The following DMAC1 variants were observed in gnomAD, a reference collection of about 807,000 sequenced individuals.
DMAC1 encodes distal membrane-arm assembly complex protein 1.
DMAC1 carries 10 observed loss-of-function variants against 7.0 expected under a neutral mutation model. The ratio of observed to expected loss-of-function variants is 1.43; its 90% CI spans 0.88 to 2.43. The LOEUF (loss-of-function observed/expected upper bound fraction) is 2.43, where lower values mean the gene tolerates loss of function less well. Among genes scored for constraint, DMAC1 ranks in the 30% most tolerant of loss-of-function variants. DMAC1 has a pLI of 0.00. For synonymous variants in DMAC1, 92 were observed against 66.2 expected (o/e 1.39, Z -1.90); for missense variants, 219 against 158.7 (o/e 1.38, Z -2.04).
chr9:7,799,513 C>T lies in DMAC1; in HGVS notation c.222G>A (p.Lys74=). ...YVYWVARKPM[K]MGYPPSPWTI... ...TCCATGGACTCGGGGGGTATCCCAT[C>T]TTCATGGGCTTCCGTGCCACCCAGT... The change falls in exon 1 of 2, where the codon AAG becomes AAA. Residue 74 remains lysine, a synonymous_variant. Coordinates refer to ENST00000358227, the MANE Select transcript of DMAC1 (RefSeq NM_033428.3). 1.2e-6 allele frequency: 2 copies of T among 1,613,588 alleles called. No individual in the cohort carries two copies. Among genetic ancestry groups the T allele is most frequent in the East Asian group, 2.2e-5 (1 of 44,856 alleles).
rs1818696876 is a variant in DMAC1, at chr9:7,799,524, T to G, written c.211A>C (p.Lys71Gln). The G allele has an allele frequency of 6.2e-7, 1 of 1,613,638 alleles. No individual in the cohort carries two copies. Among genetic ancestry groups the G allele is most frequent in the Non-Finnish European group, 8.5e-7 (1 of 1,179,996 alleles). ...AGGYVYWVARKPMKMGYPPSP... is the reference protein window; with the variant it reads ...AGGYVYWVARQPMKMGYPPSP... ...GGGGGGTATCCCATCTTCATGGGCT[T>G]CCGTGCCACCCAGTACACGTACCCG... The change falls in exon 1 of 2, where the codon AAG becomes CAG. Residue 71 changes from lysine to glutamine, a missense_variant. By Grantham distance (53) the Lys-to-Gln change is moderately conservative. Transcript: ENST00000358227.
intron 1 of DMAC1, 88 bp downstream of exon 1, chr9:7,799,373 C>A: frequency 6.5e-7 from 1 of 1,527,668 alleles, no homozygotes; most frequent in Non-Finnish European, 8.9e-7. Flanking sequence ...ACCCCGCCTC[C>A]CCGCCTCCCC....
intron 1 of DMAC1, 106 bp downstream of exon 1, chr9:7,799,355 G>A: frequency 7.2e-7 from 1 of 1,380,044 alleles, no homozygotes; most frequent in Non-Finnish European, 9.5e-7. Flanking sequence ...CACCTGACCA[G>A]CGGCAGCACC....
rs1216532965 is a variant in DMAC1 at position 7,798,025 on chromosome 9, T to C, written c.*548A>G. On this transcript the variant is annotated 3_prime_UTR_variant, in exon 2 of 2. Transcript: ENST00000358227. ...GTATCAGCAATTCATACACAGAAAA[T>C]TTCACGTACTTCTATATATTGCATG... 1 of 152,184 alleles carries C rather than the reference T, an allele frequency of 6.6e-6. No individual in the cohort carries two copies. Among genetic ancestry groups the C allele is most frequent in the African/African-American group, 2.4e-5 (1 of 41,398 alleles). The allele number at this position is 152,184 out of a possible 1,614,324, so 9.4% of individuals were successfully genotyped here. A position where few individuals can be genotyped will look rare whatever the true frequency, so the allele number is the denominator to read the frequency against.
rs775131325 is a variant in DMAC1 at position 7,798,616 on chromosome 9, A to T, written c.296T>A (p.Val99Asp). 6.3e-7 allele frequency: 1 copy of T among 1,593,124 alleles called. No homozygotes were observed. Among genetic ancestry groups the T allele is most frequent in the African/African-American group, 1.3e-5 (1 of 74,412 alleles). The change falls in exon 2 of 2, where the codon GTT becomes GAT. Residue 99 changes from valine (V) to aspartate (D), a missense_variant. By Grantham distance (152) the Val-to-Asp change is radical. Coordinates refer to ENST00000358227, the MANE Select transcript of DMAC1 (RefSeq NM_033428.3). ...IGLSIATWGI[V>D]VMADPKGKAY... ...CTTCCCTTTGGGGTCTGCCATGACA[A>T]CGATACCCCAGGTGGCAATGCCTAG...
In DMAC1 at chr9:7,799,673, G is replaced by C. The variant is rs200927073; in HGVS notation, c.62C>G (p.Ala21Gly). 3 of 1,606,288 alleles carry C rather than the reference G, an allele frequency of 1.9e-6. No individual in the cohort carries two copies. The East Asian group carries it at 6.7e-5, about 36-fold the overall frequency. The change falls in exon 1 of 2, where the codon GCC becomes GGC. Residue 21 changes from alanine to glycine, a missense_variant. Ala to Gly is a moderately conservative substitution (Grantham distance 60). Coordinates refer to ENST00000358227, the MANE Select transcript of DMAC1 (RefSeq NM_033428.3). The part of the protein sequence containing the change: ...SYITAPPGTA[A>G]APAKPAPPAT... ...TGGGGGCGCAGGTTTGGCGGGCGCG[G>C]CGGCGGTACCGGGAGGCGCAGTGAT...
rs1196988664 is a variant in DMAC1 at position 7,797,587 on chromosome 9, C to G, written c.*986G>C. On this transcript the variant is annotated 3_prime_UTR_variant, in exon 2 of 2. Transcript: ENST00000358227. ...CATAGTATCTCAGGGTAGAAAAACC[C>G]AATAGGTAGAAAACATGGCCTTCTC... 6.6e-6 allele frequency: 1 copy of G among 152,036 alleles called. No homozygotes were observed. Among genetic ancestry groups the G allele is most frequent in the Non-Finnish European group, 1.5e-5 (1 of 68,002 alleles). 9.4% of individuals were successfully genotyped at this position (152,036 alleles called of 1,614,324 possible). A position where few individuals can be genotyped will look rare whatever the true frequency, so the allele number is the denominator to read the frequency against.
chr9:7,798,588 G>C lies in DMAC1; in HGVS notation c.324C>G (p.Ala108=). The stretch of plus-strand genomic sequence containing the variant: ...GGTGGTACTTTCAAACAACGCGGTA[G>C]GCCTTCCCTTTGGGGTCTGCCATGA... ...IVVMADPKGK[A]YRVV The change falls in exon 2 of 2, where the codon GCC becomes GCG. Residue 108 remains alanine (A), a synonymous_variant. Transcript: ENST00000358227. 6.2e-7 allele frequency: 1 copy of C among 1,612,444 alleles called. No individual in the cohort carries two copies. Among genetic ancestry groups the C allele is most frequent in the Non-Finnish European group, 8.5e-7 (1 of 1,178,848 alleles).
rs1413233601 is a variant in DMAC1 at position 7,797,653 on chromosome 9, T to C, written c.*920A>G. 2 of 151,892 alleles carry C rather than the reference T, an allele frequency of 1.3e-5. No homozygotes were observed. 9.4% of individuals were successfully genotyped at this position (151,892 alleles called of 1,614,324 possible). ...GTAATTTTGAGTACTTATCTCAAAA[T>C]CATCACAGAAACATATCTAGTGCTT... is the stretch of plus-strand genomic sequence containing the variant. On this transcript the variant is annotated 3_prime_UTR_variant, in exon 2 of 2. Transcript: ENST00000358227.
In DMAC1 at chr9:7,797,537, ACTTTATATAC is replaced by A. The variant is rs1454792509; in HGVS notation, c.*1026_*1035del. 2 of 152,220 alleles carry A rather than the reference ACTTTATATAC, an allele frequency of 1.3e-5. No homozygotes were observed. The highest frequency in any genetic ancestry group is 2.9e-5 in the Non-Finnish European group (2 of 68,042). 9.4% of individuals were successfully genotyped at this position (152,220 alleles called of 1,614,324 possible). On this transcript the variant is annotated 3_prime_UTR_variant, in exon 2 of 2. Transcript: ENST00000358227. ...ACAGTATCTTTCCGCTTTGAAAAAC[ACTTTATATAC>A]CTTTACAAAGAAGCCATAGTATCTC...
Position 7,798,106 on chromosome 9 carries a change from A to G in DMAC1, c.*467T>C, listed in dbSNP as rs558617231. On this transcript the variant is annotated 3_prime_UTR_variant, in exon 2 of 2. Transcript: ENST00000358227. Reference sequence around the variant, plus strand: ...TGATCCAATTATGAAAGAAATAAAAAGAACTCTTTAAAATAATGAAGTAAA... The same window carrying G: ...TGATCCAATTATGAAAGAAATAAAAGGAACTCTTTAAAATAATGAAGTAAA... 6.5e-6 allele frequency: 1 copy of G among 152,784 alleles called. No homozygotes were observed. The highest frequency in any genetic ancestry group is 2.4e-5 in the African/African-American group (1 of 41,586). 9.5% of individuals were successfully genotyped at this position (152,784 alleles called of 1,614,324 possible).
intron 1 of DMAC1, 43 bp downstream of exon 1, chr9:7,799,418 C>G (rs758494046): frequency 1.0e-5 from 16 of 1,606,394 alleles, no homozygotes; most frequent in East Asian, 8.9e-5. Context: ...TCCTCTACCC[C>G]GCAGATACCC....
At position 7,798,437 on chromosome 9, in the gene DMAC1, C is replaced by G. The variant is rs571673156; in HGVS notation, c.*136G>C. On this transcript the variant is annotated 3_prime_UTR_variant, in exon 2 of 2. Transcript: ENST00000358227. ...GAATGACAACATACGATTTTCTTCT[C>G]AGTCTTGTAGTATCCACAGTAGTGA... 1 of 975,734 alleles carries G rather than the reference C, an allele frequency of 1.0e-6. No homozygotes were observed. Among genetic ancestry groups the G allele is most frequent in the South Asian group, 1.4e-5 (1 of 72,972 alleles). The allele number at this position is 975,734 out of a possible 1,614,324, so 60.4% of individuals were successfully genotyped here. A position where few individuals can be genotyped will look rare whatever the true frequency, so the allele number is the denominator to read the frequency against.
chr9:7,797,890 A>C lies in DMAC1; in HGVS notation c.*683T>G, dbSNP rs572860650. 2.0e-5 allele frequency: 3 copies of C among 152,338 alleles called. No homozygotes were observed. The South Asian group carries it at 6.2e-4, about 32-fold the overall frequency. The allele number at this position is 152,338 out of a possible 1,614,324, so 9.4% of individuals were successfully genotyped here. A position where few individuals can be genotyped will look rare whatever the true frequency, so the allele number is the denominator to read the frequency against. ...ACGGACTTACTGAATGACCCTAGGC[A>C]AATCATGTGGGCTCTTTCTTGTGTT... On this transcript the variant is annotated 3_prime_UTR_variant, in exon 2 of 2. Transcript: ENST00000358227.
chr9:7,799,745 T>C lies in DMAC1; in HGVS notation c.-11A>G. On this transcript the variant is annotated 5_prime_UTR_variant, in exon 1 of 2. Coordinates refer to ENST00000358227, the MANE Select transcript of DMAC1 (RefSeq NM_033428.3). The stretch of plus-strand genomic sequence containing the variant: ...CAACCGAGACCCCATGCTCTGGAAC[T>C]CGGCCTCAACCTTGGGCGTCTTTGG... 1 of 1,514,034 alleles carries C rather than the reference T, an allele frequency of 6.6e-7. No homozygotes were observed. Among genetic ancestry groups the C allele is most frequent in the Non-Finnish European group, 8.8e-7 (1 of 1,135,640 alleles). 93.8% of individuals were successfully genotyped at this position (1,514,034 alleles called of 1,614,324 possible).
intron 1 of DMAC1, 148 bp from the exon 2 acceptor site, chr9:7,798,785 A>C: frequency 1.7e-6 from 1 of 595,852 alleles, no homozygotes; most frequent in Non-Finnish European, 2.7e-6. Context: ...GAAGCACAGA[A>C]AAAGAAAAAA....
In DMAC1 at chr9:7,799,653, G is replaced by C. The variant is rs1127430; in HGVS notation, c.82C>G (p.Pro28Ala). The C allele has an allele frequency of 1.3e-5, 21 of 1,610,832 alleles. No homozygotes were observed. The highest frequency in any genetic ancestry group is 1.8e-5 in the Non-Finnish European group (21 of 1,179,164). Residue 28 changes from proline (P) to alanine (A), a missense_variant, in exon 1 of 2, where the codon CCC becomes GCC. By Grantham distance (27) the Pro-to-Ala change is conservative. Transcript: ENST00000358227. ...GTAAAPAKPAPPATPGAPTSP... is the reference protein window; with the variant it reads ...GTAAAPAKPAAPATPGAPTSP... ...GTCGGCGCTCCGGGTGTAGCTGGGG[G>C]CGCAGGTTTGGCGGGCGCGGCGGCG...
Position 7,799,504 on chromosome 9 carries a change from G to T in DMAC1, c.231C>A (p.Tyr77Ter), listed in dbSNP as rs754677985. Residue 77 changes from tyrosine to a stop codon, truncating the protein, a stop_gained, in exon 1 of 2, where the codon TAC (tyrosine) becomes TAA (stop). Coordinates refer to ENST00000358227, the MANE Select transcript of DMAC1 (RefSeq NM_033428.3). LOFTEE classifies it high-confidence loss of function. The part of the protein sequence containing the change: ...WVARKPMKMG[Y>*]PPSPWTITQM... ...GCGTAATGGTCCATGGACTCGGGGG[G>T]TATCCCATCTTCATGGGCTTCCGTG... 24 of 1,613,264 alleles carry T rather than the reference G, an allele frequency of 1.5e-5. No individual in the cohort carries two copies. Among genetic ancestry groups the T allele is most frequent in the Non-Finnish European group, 1.9e-5 (22 of 1,180,028 alleles).
chr9:7,798,638 C>G lies in DMAC1; in HGVS notation c.275-1G>C. ...ACAACGATACCCCAGGTGGCAATGCCTAGAAAAAAAACAACAATACCTTAC... is the reference window on the plus strand; with the variant it reads ...ACAACGATACCCCAGGTGGCAATGCGTAGAAAAAAAACAACAATACCTTAC... On this transcript the variant is annotated splice_acceptor_variant, in intron 1 of 1. Transcript: ENST00000358227. LOFTEE classifies it high-confidence loss of function. 1 of 1,554,526 alleles carries G rather than the reference C, an allele frequency of 6.4e-7. No homozygotes were observed. The highest frequency in any genetic ancestry group is 8.7e-7 in the Non-Finnish European group (1 of 1,147,130).
Sources: allele counts gnomAD v4.1 joint callset, GRCh38; gene constraint gnomAD v4.1.1; transcripts MANE v1.5; gene names NCBI Gene and HGNC (gene_info 2026-07-23, HGNC 2026-07-21).